NADSYN1: variants seen among roughly 807,000 people sequenced by gnomAD.
NADSYN1 encodes the protein NAD synthetase 1, also known as glutamine-dependent NAD(+) synthetase.
A neutral mutation model predicts 99.3 loss-of-function variants in NADSYN1; 80 were observed. The ratio of observed to expected loss-of-function variants is 0.81; its 90% CI spans 0.67 to 0.97. The LOEUF (loss-of-function observed/expected upper bound fraction) is 0.97. Among genes scored for constraint, NADSYN1 ranks in the 50% least tolerant of loss-of-function variants. The pLI is 0.00. For synonymous variants in NADSYN1, 385 were observed against 372.1 expected (o/e 1.03, Z -0.40); for missense variants, 859 against 948.5 (o/e 0.91, Z 1.24).
chr11:71,483,014 G>A lies in NADSYN1; in HGVS notation c.1316G>A (p.Gly439Glu). Reference sequence around the variant, plus strand: ...GCCAGAGAGTTGGCCCAGCAGATTGGAAGGTAGAGTTGGTCCCTGGTATTG... The same window carrying A: ...GCCAGAGAGTTGGCCCAGCAGATTGAAAGGTAGAGTTGGTCCCTGGTATTG... ...TRARELAQQI[G>E]SHHISLNIDP... is the part of the protein sequence containing the mutation. Residue 439 changes from glycine (G) to glutamate (E), a missense_variant, in exon 14 of 21, where the codon GGA becomes GAA. Transcript: ENST00000319023. The A allele has an allele frequency of 6.2e-7, 1 of 1,611,928 alleles. No homozygotes were observed. Among genetic ancestry groups the A allele is most frequent in the South Asian group, 1.1e-5 (1 of 91,000 alleles).
At chr11:71,483,555 G>A (rs10898191) in intron 14 of NADSYN1, among the ~76,000 whole-genome samples, 35,798 of 152,056 alleles carry the variant, frequency 0.24, 4,701 homozygotes, top group South Asian at 0.36. Context: ...GCACCTTTCC[G>A]GAGAAGAAAG....
At chr11:71,481,643 G>C (rs1214822289) in intron 12 of NADSYN1, 1 of 605,338 alleles carries the variant, frequency 1.7e-6, no homozygotes, top group African/African-American at 1.9e-5. Context: ...CAGCATTCAG[G>C]GTCACGCTCA....
At position 71,481,397 on chromosome 11, in the gene NADSYN1, GT is replaced by G; in HGVS notation, c.1041del (p.Gln348AsnfsTer9). 1 of 1,613,990 alleles carries G rather than the reference GT, an allele frequency of 6.2e-7. No homozygotes were observed. The highest frequency in any genetic ancestry group is 8.5e-7 in the Non-Finnish European group (1 of 1,179,982). On this transcript the variant is annotated frameshift_variant, in exon 12 of 21. Transcript: ENST00000319023. LOFTEE classifies it high-confidence loss of function. ...ACWLWDFLRR[S>X]QQAGFLLPLS... ...TGGCTCTGGGATTTTTTAAGACGAA[GT>G]CAACAGGTAAGACTTCCAGTTTCTA...
intron 5 of NADSYN1, among the ~76,000 whole-genome samples, chr11:71,468,068 A>G (rs914319922): frequency 1.3e-5 from 2 of 152,228 alleles, no homozygotes; most frequent in Admixed American, 6.5e-5. Flanking sequence ...GCTGGAAAAA[A>G]TCCGAGGAGA....
At chr11:71,495,315 C>T (rs1312789744) in intron 18 of NADSYN1, among the ~76,000 whole-genome samples, 1 of 152,194 alleles carries the variant, frequency 6.6e-6, no homozygotes, top group Non-Finnish European at 1.5e-5. Flanking sequence ...TTAATTTCCA[C>T]GTATGCATGA....
chr11:71,462,802 C>G (rs1949558834), intron 3 of NADSYN1, among the ~76,000 whole-genome samples: 1 of 152,174 alleles, frequency 6.6e-6, no homozygotes, highest in Non-Finnish European at 1.5e-5. Flanking sequence ...CTCTCAGTGC[C>G]CCTATGAGGG....
intron 1 of NADSYN1, among the ~76,000 whole-genome samples, chr11:71,454,498 C>A (rs976740957): frequency 6.6e-6 from 1 of 152,250 alleles, no homozygotes; most frequent in African/African-American, 2.4e-5. Flanking sequence ...AGGCATGAGC[C>A]ACCGCAGCCA....
At chr11:71,458,908 A>G (rs1256151041) in intron 3 of NADSYN1, 6 of 244,238 alleles carry the variant, frequency 2.5e-5, no homozygotes, top group South Asian at 4.6e-5. Flanking sequence ...CACGGTTCCC[A>G]TGTCCTAGGC....
chr11:71,458,656 A>T, intron 3 of NADSYN1, 112 bp downstream of exon 3: 2 of 764,928 alleles, frequency 2.6e-6, no homozygotes, highest in South Asian at 3.0e-5. Context: ...GTGTCCAGGG[A>T]TACGAAAGGC....
intron 5 of NADSYN1, among the ~76,000 whole-genome samples, chr11:71,467,702 T>C (rs950761692): frequency 3.3e-5 from 5 of 152,142 alleles, no homozygotes; most frequent in Admixed American, 6.5e-5. Flanking sequence ...GATGAAAACC[T>C]AAGAGACATT....
rs368470979 is a variant in NADSYN1 at position 71,482,898 on chromosome 11, C to T, written c.1200C>T (p.Tyr400=). ...DVRTIVNQIS[Y]TPQDPRDLCG... Reference sequence around the variant, plus strand: ...GCACCATCGTGAACCAGATCAGCTACACCCCCCAGGATCCCCGAGACCTCT... The same window carrying T: ...GCACCATCGTGAACCAGATCAGCTATACCCCCCAGGATCCCCGAGACCTCT... Residue 400 remains tyrosine, a synonymous_variant, in exon 14 of 21, where the codon TAC becomes TAT. Transcript: ENST00000319023. 17 of 1,613,086 alleles carry T rather than the reference C, an allele frequency of 1.1e-5. No homozygotes were observed. Among genetic ancestry groups the T allele is most frequent in the Non-Finnish European group, 1.4e-5 (16 of 1,179,610 alleles).
At chr11:71,474,568 T>G (rs754712393) in intron 9 of NADSYN1, 42 bp downstream of exon 9, 79 of 1,612,672 alleles carry the variant, frequency 4.9e-5, no homozygotes, top group Non-Finnish European at 3.3e-5. Flanking sequence ...GGGTTCTCTG[T>G]GCAGAGACCG....
At chr11:71,483,805 T>G (rs1449260023) in intron 14 of NADSYN1, among the ~76,000 whole-genome samples, 1 of 152,198 alleles carries the variant, frequency 6.6e-6, no homozygotes, top group Non-Finnish European at 1.5e-5. Context: ...CCATCTCAGA[T>G]GAACGGAGGA....
intron 2 of NADSYN1, among the ~76,000 whole-genome samples, chr11:71,457,572 A>C (rs976342412): frequency 1.3e-5 from 2 of 152,258 alleles, no homozygotes; most frequent in Non-Finnish European, 2.9e-5. Context: ...ATAGAAACAA[A>C]CTAGAGGCTT....
intron 3 of NADSYN1, 149 bp downstream of exon 3, chr11:71,458,693 C>T: frequency 1.6e-6 from 1 of 626,802 alleles, no homozygotes; most frequent in Non-Finnish European, 2.9e-6. Flanking sequence ...GGGTTTTGTT[C>T]CTATCTCAGC....
rs1355459521 is a variant in NADSYN1 at position 71,501,419 on chromosome 11, A to G, written c.*67A>G. 3 of 1,483,244 alleles carry G rather than the reference A, an allele frequency of 2.0e-6. No homozygotes were observed. Among genetic ancestry groups the G allele is most frequent in the South Asian group, 2.4e-5 (2 of 82,798 alleles). 91.9% of individuals were successfully genotyped at this position (1,483,244 alleles called of 1,614,324 possible). A position where few individuals can be genotyped will look rare whatever the true frequency, so the allele number is the denominator to read the frequency against. ...AGCACCTCATCATCAGCATTGCTGG[A>G]GCCAAGGGTAGGAGCCCTACACTAG... On this transcript the variant is annotated 3_prime_UTR_variant, in exon 21 of 21. Transcript: ENST00000319023.
chr11:71,488,005 T>G (rs958104843), intron 16 of NADSYN1, among the ~76,000 whole-genome samples: 16 of 152,298 alleles, frequency 1.1e-4, no homozygotes, highest in African/African-American at 3.6e-4. Context: ...CTCTGCCGCC[T>G]TCTTCTCACG....
intron 16 of NADSYN1, among the ~76,000 whole-genome samples, chr11:71,486,858 T>C (rs2120493081): frequency 7.8e-6 from 1 of 128,382 alleles, no homozygotes; most frequent in East Asian, 2.6e-4. Context: ...CAGGCTGGAG[T>C]GCAGTGGCGC....
chr11:71,472,875 G>A (rs1949636867), intron 6 of NADSYN1, among the ~76,000 whole-genome samples: 1 of 152,240 alleles, frequency 6.6e-6, no homozygotes, highest in East Asian at 1.9e-4. Context: ...TCTAAGGGAA[G>A]GCACCCTGGT....
Sources: gnomAD v4.1 joint callset for allele counts (sites outside exome capture counted in the v4.1 genomes callset) on GRCh38, gnomAD v4.1.1 for gene constraint, MANE v1.5 for transcripts, NCBI Gene and HGNC (gene_info 2026-07-23, HGNC 2026-07-21) for gene names.